The following ANKS1B variants were observed in gnomAD, a reference collection of about 807,000 sequenced individuals.
The protein encoded by ANKS1B is ankyrin repeat and sterile alpha motif domain-containing protein 1B.
A neutral mutation model predicts 148.3 loss-of-function variants in ANKS1B; 36 were observed. The observed-to-expected ratio is 0.24, with a 90% CI of 0.19 to 0.32. The LOEUF is 0.32. Among genes scored for constraint, ANKS1B ranks in the 10% least tolerant of loss-of-function variants. The pLI, the probability that ANKS1B is intolerant of heterozygous loss-of-function variation, is 1.00. For missense variants in ANKS1B, 1,157 were observed against 1,542.6 expected, an observed-to-expected ratio of 0.75 and a Z score of 4.19; for synonymous variants, 542 against 560.8, an observed-to-expected ratio of 0.97 and a Z score of 0.47.
chr12:99,713,572 C>T (rs919601109), intron 8 of ANKS1B, among the ~76,000 whole-genome samples: 1 of 152,168 alleles, frequency 6.6e-6, no homozygotes, highest in Non-Finnish European at 1.5e-5. Flanking sequence ...CACATGACTG[C>T]AGAACAAAAT....
At chr12:99,555,367 G>A (rs1458652812) in intron 9 of ANKS1B, among the ~76,000 whole-genome samples, 3 of 152,032 alleles carry the variant, frequency 2.0e-5, no homozygotes, top group Non-Finnish European at 2.9e-5. Flanking sequence ...TTCTAGATAT[G>A]GAATCACACA....
chr12:99,667,395 A>C (rs1425277131), intron 8 of ANKS1B, among the ~76,000 whole-genome samples: 2 of 151,962 alleles, frequency 1.3e-5, no homozygotes, highest in African/African-American at 4.8e-5. Flanking sequence ...CTGAATTTTC[A>C]GTTACTGATA....
rs533019220 is a variant in ANKS1B at position 99,461,786 on chromosome 12, C to T, written c.1439-17977G>A. Among the ~76,000 whole-genome samples, 42 of 152,276 alleles carry T rather than the reference C, an allele frequency of 2.8e-4. No individual in the cohort carries two copies. The South Asian group carries it at 8.3e-3, about 30-fold the overall frequency. ...TTGATTTCTACTTACGTAATCTTTG[C>T]TTTAATTCTATTCAGATTACCATGT... On this transcript the variant is annotated intron_variant, in intron 10 of 26. Coordinates refer to ENST00000683438, the MANE Select transcript of ANKS1B (RefSeq NM_001352186.2).
At chr12:99,423,514 A>T (rs932047173) in intron 11 of ANKS1B, among the ~76,000 whole-genome samples, 1 of 152,196 alleles carries the variant, frequency 6.6e-6, no homozygotes, top group African/African-American at 2.4e-5. Flanking sequence ...AAATCTTTCT[A>T]TCATAAAGAC....
At chr12:99,788,664 G>GGT (rs1459743311) in intron 4 of ANKS1B, among the ~76,000 whole-genome samples, 2 of 152,080 alleles carry the variant, frequency 1.3e-5, no homozygotes, top group African/African-American at 4.8e-5. Context: ...AGGCACACGG[G>GGT]GTCTCTGCGT....
chr12:99,433,377 A>G (rs2095411024), intron 11 of ANKS1B, among the ~76,000 whole-genome samples: 1 of 152,220 alleles, frequency 6.6e-6, no homozygotes, highest in Non-Finnish European at 1.5e-5. Flanking sequence ...GGAAATCTCC[A>G]TTTAGAACTC....
At chr12:98,869,513 C>T (rs1050738907) in intron 17 of ANKS1B, among the ~76,000 whole-genome samples, 6 of 152,146 alleles carry the variant, frequency 3.9e-5, no homozygotes, top group African/African-American at 1.2e-4. Flanking sequence ...TCATTCAGCA[C>T]TTAATTCCTT....
chr12:99,104,752 C>T (rs2058764581), intron 15 of ANKS1B: 2 of 152,274 alleles, frequency 1.3e-5, no homozygotes, highest in African/African-American at 4.8e-5. Context: ...TCTTTACCTC[C>T]TCTGACTACT....
chr12:99,737,370 C>T (rs2059706675), intron 8 of ANKS1B, among the ~76,000 whole-genome samples: 1 of 152,044 alleles, frequency 6.6e-6, no homozygotes. Context: ...CAATGAGATC[C>T]TGTCATTTGC....
intron 4 of ANKS1B, among the ~76,000 whole-genome samples, chr12:99,790,661 T>G (rs190685710): frequency 2.0e-5 from 3 of 152,242 alleles, no homozygotes; most frequent in Admixed American, 1.3e-4. Flanking sequence ...TTTTGTGTGT[T>G]TGTTTGTTTA....
At chr12:98,745,982 C>T (rs931165589) in intron 26 of ANKS1B, 133 bp from the exon 27 acceptor site, 2 of 897,468 alleles carry the variant, frequency 2.2e-6, no homozygotes, top group East Asian at 3.1e-5. Context: ...CTAGGCGGCT[C>T]GCGGGCTCGC....
chr12:99,863,571 C>T (rs561691903), intron 1 of ANKS1B, among the ~76,000 whole-genome samples: 17 of 151,912 alleles, frequency 1.1e-4, no homozygotes, highest in Non-Finnish European at 2.4e-4. Flanking sequence ...AAAAATTAGC[C>T]GGGCGTGGTG....
chr12:99,239,547 A>G (rs1012920764), intron 14 of ANKS1B, among the ~76,000 whole-genome samples: 1 of 152,224 alleles, frequency 6.6e-6, no homozygotes, highest in Non-Finnish European at 1.5e-5. Flanking sequence ...CCAACATTCA[A>G]ATTCAGGAAA....
intron 12 of ANKS1B, among the ~76,000 whole-genome samples, chr12:99,317,707 T>C (rs1030332570): frequency 6.6e-6 from 1 of 152,214 alleles, no homozygotes; most frequent in Non-Finnish European, 1.5e-5. Flanking sequence ...CTATGTTGAA[T>C]AGGAGTGGTG....
chr12:99,588,101 T>C (rs1322532151), intron 9 of ANKS1B, among the ~76,000 whole-genome samples: 1 of 151,162 alleles, frequency 6.6e-6, no homozygotes, highest in Non-Finnish European at 1.5e-5. Context: ...GCAAAGTTAA[T>C]ACAGAAGAAC....
At chr12:99,530,837 A>G (rs1310478688) in intron 9 of ANKS1B, among the ~76,000 whole-genome samples, 1 of 152,196 alleles carries the variant, frequency 6.6e-6, no homozygotes, top group Non-Finnish European at 1.5e-5. Context: ...AATCATGATC[A>G]TCCAATAAAT....
chr12:99,937,020 A>G (rs186616034), intron 1 of ANKS1B, among the ~76,000 whole-genome samples: 3 of 152,306 alleles, frequency 2.0e-5, no homozygotes, highest in Non-Finnish European at 1.5e-5. Context: ...ATATGGATAC[A>G]GTATGGGACA....
chr12:99,486,816 T>C (rs749681244), intron 10 of ANKS1B, among the ~76,000 whole-genome samples: 11 of 152,298 alleles, frequency 7.2e-5, no homozygotes, highest in Admixed American at 5.2e-4. Flanking sequence ...TGTAGGAATG[T>C]TGATACTCCA....
intron 4 of ANKS1B, among the ~76,000 whole-genome samples, chr12:99,783,946 T>C (rs2064675937): frequency 1.3e-5 from 2 of 152,186 alleles, no homozygotes; most frequent in African/African-American, 4.8e-5. Context: ...CCTATCATTA[T>C]ATACTATATT....
Sources: gnomAD v4.1 joint callset for allele counts (sites outside exome capture counted in the v4.1 genomes callset) on GRCh38, gnomAD v4.1.1 for gene constraint, MANE v1.5 for transcripts, NCBI Gene and HGNC (gene_info 2026-07-23, HGNC 2026-07-21) for gene names.